ADAMTS20: variants seen among roughly 807,000 people sequenced by gnomAD.
ADAMTS20 encodes ADAM metallopeptidase with thrombospondin type 1 motif 20.
Under a neutral mutation model 260.1 loss-of-function variants are expected in ADAMTS20, and 225 were observed. That is an observed-to-expected ratio of 0.87 (90% CI 0.78 to 0.97). The LOEUF is 0.97. Ranked by LOEUF, ADAMTS20 falls within the 50% of genes least tolerant of loss-of-function variation. The pLI, the probability that ADAMTS20 is intolerant of heterozygous loss-of-function variation, is 0.00. For missense variants in ADAMTS20, 2,400 were observed against 2,337.7 expected, an observed-to-expected ratio of 1.03 and a Z score of -0.55; for synonymous variants, 802 against 769.5, an observed-to-expected ratio of 1.04 and a Z score of -0.70.
intron 28 of ADAMTS20, among the ~76,000 whole-genome samples, chr12:43,409,620 A>AAAAAAAAAC (rs1565684964): frequency 2.0e-5 from 3 of 147,658 alleles, no homozygotes. Context: ...AAAAAAAAAA[A>AAAAAAAAAC]AAAAAAAAAA....
chr12:43,425,773 G>C, intron 27 of ADAMTS20, 83 bp from the exon 28 acceptor site: 35 of 894,524 alleles, frequency 3.9e-5, no homozygotes, highest in South Asian at 6.7e-5. Context: ...AACATAATTA[G>C]TAATTATGTT....
chr12:43,531,435 T>A (rs767178793), intron 3 of ADAMTS20, among the ~76,000 whole-genome samples: 1 of 152,098 alleles, frequency 6.6e-6, no homozygotes, highest in Non-Finnish European at 1.5e-5. Context: ...ACTTTTGGGA[T>A]TCAAATTTAG....
At chr12:43,416,349 C>CA (rs5797864) in intron 28 of ADAMTS20, among the ~76,000 whole-genome samples, 47,797 of 146,876 alleles carry the variant, frequency 0.33, 8,157 homozygotes, top group East Asian at 0.75. Context: ...ACACCCAGTC[C>CA]AAAAAAAAAA....
intron 2 of ADAMTS20, among the ~76,000 whole-genome samples, chr12:43,546,243 G>C (rs1446203709): frequency 6.6e-6 from 1 of 152,148 alleles, no homozygotes; most frequent in Non-Finnish European, 1.5e-5. Context: ...GGTAATGCTT[G>C]ACATGTTGCA....
At chr12:43,476,994 A>T (rs1381759752) in intron 7 of ADAMTS20, among the ~76,000 whole-genome samples, 3 of 56,354 alleles carry the variant, frequency 5.3e-5, no homozygotes, top group Non-Finnish European at 1.0e-4. Context: ...TTAAAGTATA[A>T]AAAAAAAAAA....
chr12:43,377,004 A>G (rs1358840580), intron 32 of ADAMTS20, among the ~76,000 whole-genome samples: 1 of 152,248 alleles, frequency 6.6e-6, no homozygotes, highest in Non-Finnish European at 1.5e-5. Flanking sequence ...CTTGCTTTCT[A>G]TCAATTAAAT....
chr12:43,377,922 A>C (rs1940266176), intron 31 of ADAMTS20, among the ~76,000 whole-genome samples: 1 of 152,214 alleles, frequency 6.6e-6, no homozygotes, highest in African/African-American at 2.4e-5. Context: ...AATAAAGGGC[A>C]TCTATTAGCC....
intron 3 of ADAMTS20, among the ~76,000 whole-genome samples, chr12:43,528,384 G>A (rs7307627): frequency 0.025 from 1,957 of 78,186 alleles, 61 homozygotes; most frequent in African/African-American, 0.089. Context: ...ACACAAATCC[G>A]GAAGCAATAT....
At chr12:43,369,438 T>A (rs1403862191) in intron 36 of ADAMTS20, 57 bp from the exon 37 acceptor site, 3 of 1,009,084 alleles carry the variant, frequency 3.0e-6, no homozygotes, top group Non-Finnish European at 4.0e-6. Flanking sequence ...ATCGTTGTTG[T>A]CAAACACAGA....
chr12:43,460,557 C>G (rs188480739), intron 11 of ADAMTS20, among the ~76,000 whole-genome samples: 1 of 152,122 alleles, frequency 6.6e-6, no homozygotes, highest in Admixed American at 6.5e-5. Flanking sequence ...GTTAAACATA[C>G]ACTCACCCTA....
At chr12:43,482,146 C>G (rs1942451947) in intron 7 of ADAMTS20, among the ~76,000 whole-genome samples, 1 of 152,212 alleles carries the variant, frequency 6.6e-6, no homozygotes. Flanking sequence ...CTGATCCATT[C>G]TCACAACGAA....
intron 26 of ADAMTS20, 63 bp from the exon 27 acceptor site, chr12:43,427,532 T>TA (rs60438862): frequency 0.18 from 213,614 of 1,162,158 alleles, 5,470 homozygotes; most frequent in African/African-American, 0.31. Context: ...ATTTACATGG[T>TA]AAAAAAAAAA....
In ADAMTS20 at chr12:43,526,618, T is replaced by G. The variant is rs541473465; in HGVS notation, c.613+5418A>C. ...TTAACAATGAAATCAAGATGGAAAT[T>G]CATAAACTATTTAAAATGAATGATA... On this transcript the variant is annotated intron_variant, in intron 3 of 38. Coordinates refer to ENST00000389420, the MANE Select transcript of ADAMTS20 (RefSeq NM_025003.5). Among the ~76,000 whole-genome samples the G allele has an allele frequency of 5.9e-5, 9 of 152,270 alleles. No individual in the cohort carries two copies. In the South Asian group the frequency reaches 1.5e-3, roughly 25 times the overall value.
rs1565573883 is a variant in ADAMTS20 at position 43,501,465 on chromosome 12, G to GCACACA, written c.867+686_867+687insTGTGTG. Among the ~76,000 whole-genome samples the GCACACA allele has an allele frequency of 1.9e-3, 68 of 34,894 alleles. No homozygotes were observed. In the East Asian group the frequency reaches 0.05, roughly 26 times the overall value. The allele number at this position is 34,894 out of a possible 152,430, so 22.9% of individuals were successfully genotyped here. Reference sequence around the variant, plus strand: ...CCCAGGGTGGTGGAGGGGGATACGCGCGCGCGCGCGCGCGCGCACACACAC... The same window carrying GCACACA: ...CCCAGGGTGGTGGAGGGGGATACGCGCACACACGCGCGCGCGCGCGCGCACACACAC... On this transcript the variant is annotated intron_variant, in intron 4 of 38. Transcript: ENST00000389420.
intron 28 of ADAMTS20, among the ~76,000 whole-genome samples, chr12:43,412,967 C>T (rs921722759): frequency 1.3e-5 from 2 of 151,808 alleles, no homozygotes; most frequent in African/African-American, 4.8e-5. Context: ...CGCACCACTA[C>T]CCCCAGCTAA....
At chr12:43,459,894 A>G (rs1942029923) in intron 11 of ADAMTS20, among the ~76,000 whole-genome samples, 1 of 152,234 alleles carries the variant, frequency 6.6e-6, no homozygotes, top group South Asian at 2.1e-4. Flanking sequence ...TGAAAAAGTT[A>G]TAACGTTATA....
At chr12:43,485,180 A>T (rs1259313760) in intron 7 of ADAMTS20, among the ~76,000 whole-genome samples, 1 of 151,972 alleles carries the variant, frequency 6.6e-6, no homozygotes, top group African/African-American at 2.4e-5. Context: ...AAAATCCTCA[A>T]CAAAATACTA....
chr12:43,496,838 C>CAT (rs1025236565), intron 4 of ADAMTS20, among the ~76,000 whole-genome samples: 1 of 152,116 alleles, frequency 6.6e-6, no homozygotes, highest in African/African-American at 2.4e-5. Flanking sequence ...GGCTAACACA[C>CAT]ATACACACAC....
chr12:43,434,255 A>G lies in ADAMTS20; in HGVS notation c.2710T>C (p.Cys904Arg). 1 of 1,580,980 alleles carries G rather than the reference A, an allele frequency of 6.3e-7. No homozygotes were observed. Among genetic ancestry groups the G allele is most frequent in the Non-Finnish European group, 8.6e-7 (1 of 1,161,532 alleles). ...SFVTQSCNTD[C>R]ELRWHVIGKS... ...TTATTTCTCTTTTACCTTAGTTCAC[A>G]GTCTGTATTGCAACTTTGAGTAACA... The change falls in exon 19 of 39, where the codon TGT becomes CGT. Residue 904 changes from cysteine to arginine, a missense_variant. Cys to Arg is a radical substitution (Grantham distance 180). Coordinates refer to ENST00000389420, the MANE Select transcript of ADAMTS20 (RefSeq NM_025003.5).
Sources: allele counts gnomAD v4.1 joint callset (sites outside exome capture counted in the v4.1 genomes callset), GRCh38; gene constraint gnomAD v4.1.1; transcripts MANE v1.5; gene names NCBI Gene and HGNC (gene_info 2026-07-23, HGNC 2026-07-21).